The following SNTB2 variants were observed in gnomAD, a reference collection of about 807,000 sequenced individuals.
The protein encoded by SNTB2 is beta-2-syntrophin.
In SNTB2, 34 loss-of-function variants were observed where a neutral mutation model predicts 46.2. The observed-to-expected ratio is 0.74, with a 90% CI of 0.56 to 0.98. SNTB2 has a LOEUF of 0.98. Among genes scored for constraint, SNTB2 ranks in the 50% least tolerant of loss-of-function variants. The pLI, the probability that SNTB2 is intolerant of heterozygous loss-of-function variation, is 0.00. For synonymous variants in SNTB2, 290 were observed against 312.6 expected, an observed-to-expected ratio of 0.93 and a Z score of 0.76; for missense variants, 603 against 731.4, an observed-to-expected ratio of 0.82 and a Z score of 2.02.
chr16:69,260,919 T>A (rs1247663114), intron 3 of SNTB2, among the ~76,000 whole-genome samples: 1 of 152,222 alleles, frequency 6.6e-6, no homozygotes, highest in Non-Finnish European at 1.5e-5. Flanking sequence ...TCTGAGTGGA[T>A]GTTGAGTTAA....
intron 1 of SNTB2, among the ~76,000 whole-genome samples, chr16:69,227,368 T>G (rs1964469108): frequency 6.6e-6 from 1 of 152,222 alleles, no homozygotes; most frequent in South Asian, 2.1e-4. Flanking sequence ...TGTATGCGTA[T>G]TGTTACAGTG....
At chr16:69,287,389 G>A (rs1965114120) in intron 5 of SNTB2, among the ~76,000 whole-genome samples, 1 of 151,844 alleles carries the variant, frequency 6.6e-6, no homozygotes, top group Admixed American at 6.6e-5. Flanking sequence ...GGCCAACATC[G>A]TGAAACCCCA....
intron 1 of SNTB2, 46 bp from the exon 2 acceptor site, chr16:69,245,556 A>G: frequency 1.3e-6 from 2 of 1,563,012 alleles, no homozygotes; most frequent in Non-Finnish European, 1.8e-6. Flanking sequence ...CATTTATTAT[A>G]GGAAGCAAAA....
At position 69,202,358 on chromosome 16, in the gene SNTB2, C is replaced by T. The variant is rs59988708; in HGVS notation, c.580+14612C>T. Among the ~76,000 whole-genome samples the T allele has an allele frequency of 7.4e-3, 1,108 of 150,686 alleles. 8 individuals are homozygous for T. Among genetic ancestry groups the T allele is most frequent in the African/African-American group, 0.024 (955 of 40,352 alleles). On this transcript the variant is annotated intron_variant, in intron 1 of 6. Coordinates refer to ENST00000336278, the MANE Select transcript of SNTB2 (RefSeq NM_006750.4). ...ATAATGGAAAATAGTATGGTAGTTA[C>T]TATTCATACTAAATGTAGGCTGTGA...
chr16:69,268,147 T>C (rs780186593), intron 3 of SNTB2, among the ~76,000 whole-genome samples: 6 of 152,188 alleles, frequency 3.9e-5, no homozygotes, highest in African/African-American at 7.2e-5. Flanking sequence ...CAATGGTACC[T>C]TCTAAGCTGA....
At chr16:69,252,910 T>G (rs536651783) in intron 2 of SNTB2, among the ~76,000 whole-genome samples, 20 of 151,612 alleles carry the variant, frequency 1.3e-4, no homozygotes, top group East Asian at 1.9e-4. Context: ...TCAGTTTTTT[T>G]TTTTTTTTTT....
intron 3 of SNTB2, among the ~76,000 whole-genome samples, chr16:69,263,444 G>A (rs1385117899): frequency 6.9e-6 from 1 of 145,180 alleles, no homozygotes; most frequent in East Asian, 2.0e-4. Context: ...TTGAGACGGA[G>A]TTTCGCTCTT....
intron 2 of SNTB2, among the ~76,000 whole-genome samples, chr16:69,255,984 G>A (rs1191413731): frequency 8.6e-5 from 13 of 151,216 alleles, no homozygotes; most frequent in South Asian, 2.1e-4. Context: ...TCAGGAGTTC[G>A]AGACCAGCCT....
At chr16:69,228,035 T>C (rs1164040082) in intron 1 of SNTB2, among the ~76,000 whole-genome samples, 1 of 151,942 alleles carries the variant, frequency 6.6e-6, no homozygotes, top group African/African-American at 2.4e-5. Flanking sequence ...TCTGGAGATA[T>C]CTTAATTACC....
intron 5 of SNTB2, among the ~76,000 whole-genome samples, chr16:69,295,040 C>T (rs1169936051): frequency 1.3e-5 from 2 of 151,752 alleles, no homozygotes; most frequent in African/African-American, 4.8e-5. Flanking sequence ...AGGCTGATCT[C>T]GAACTCCTGA....
intron 2 of SNTB2, among the ~76,000 whole-genome samples, chr16:69,248,802 A>C (rs1457724478): frequency 6.6e-6 from 1 of 151,956 alleles, no homozygotes; most frequent in African/African-American, 2.4e-5. Context: ...TCTACAAAAA[A>C]AAAGAGAGAG....
At chr16:69,240,372 G>A (rs772230663) in intron 1 of SNTB2, among the ~76,000 whole-genome samples, 3 of 152,180 alleles carry the variant, frequency 2.0e-5, no homozygotes, top group Non-Finnish European at 2.9e-5. Context: ...GGAGACTTGA[G>A]CTGAAAGACA....
intron 1 of SNTB2, among the ~76,000 whole-genome samples, chr16:69,191,742 G>A (rs1188984188): frequency 6.6e-6 from 1 of 151,832 alleles, no homozygotes; most frequent in Non-Finnish European, 1.5e-5. Flanking sequence ...CCGGGTTCAC[G>A]CCATTCTGCT....
chr16:69,212,498 C>A (rs574030974), intron 1 of SNTB2, among the ~76,000 whole-genome samples: 3 of 151,956 alleles, frequency 2.0e-5, no homozygotes, highest in African/African-American at 7.2e-5. Context: ...ACCACCAGGC[C>A]CAGCTGATTT....
In SNTB2 at chr16:69,246,373, G is replaced by A. The variant is rs1054709097; in HGVS notation, c.794+558G>A. On this transcript the variant is annotated intron_variant, in intron 2 of 6. Coordinates refer to ENST00000336278, the MANE Select transcript of SNTB2 (RefSeq NM_006750.4). ...TATGCTGGATTACATGTATTGATTT[G>A]CGTATATTGAACCAGCCTTGCATCC... 2.4e-4 allele frequency among the ~76,000 whole-genome samples: 36 copies of A among 151,672 alleles called. 2 individuals carry two copies. The highest frequency in any genetic ancestry group is 1.2e-4 in the Non-Finnish European group (8 of 67,946).
In SNTB2 at chr16:69,190,878, T is replaced by G. The variant is rs1964042852; in HGVS notation, c.580+3132T>G. Among the ~76,000 whole-genome samples the G allele has an allele frequency of 2.0e-5, 3 of 152,160 alleles. No homozygotes were observed. The South Asian group carries it at 6.2e-4, about 32-fold the overall frequency. The stretch of plus-strand genomic sequence containing the variant: ...ATGATAATAACACCTCCCTCAAAGT[T>G]GTTAATTCATTTTGCAATTCACGTG... On this transcript the variant is annotated intron_variant, in intron 1 of 6. Coordinates refer to ENST00000336278, the MANE Select transcript of SNTB2 (RefSeq NM_006750.4).
At chr16:69,211,366 A>T (rs138891005) in intron 1 of SNTB2, among the ~76,000 whole-genome samples, 1 of 151,970 alleles carries the variant, frequency 6.6e-6, no homozygotes, top group Non-Finnish European at 1.5e-5. Flanking sequence ...TTCTTTAGTT[A>T]CTCTTCAACA....
chr16:69,236,998 T>C (rs545236321), intron 1 of SNTB2, among the ~76,000 whole-genome samples: 4 of 152,292 alleles, frequency 2.6e-5, no homozygotes, highest in Non-Finnish European at 5.9e-5. Context: ...TGCTAATCCT[T>C]ATAACTACAA....
intron 4 of SNTB2, among the ~76,000 whole-genome samples, chr16:69,276,775 A>C (rs1477375917): frequency 3.3e-5 from 5 of 152,120 alleles, no homozygotes; most frequent in African/African-American, 2.4e-5. Flanking sequence ...AGGATGTGTA[A>C]AATTGCTGGC....
Sources: allele counts gnomAD v4.1 joint callset (sites outside exome capture counted in the v4.1 genomes callset), GRCh38; gene constraint gnomAD v4.1.1; transcripts MANE v1.5; gene names NCBI Gene and HGNC (gene_info 2026-07-23, HGNC 2026-07-21).